DLGAP3: variants seen among roughly 807,000 people sequenced by gnomAD.
The protein encoded by DLGAP3 is disks large-associated protein 3.
In DLGAP3, 17 loss-of-function variants were observed where a neutral mutation model predicts 81.2. That is an observed-to-expected ratio of 0.21 (90% confidence interval 0.14 to 0.31). The LOEUF is 0.31. Among genes scored for constraint, DLGAP3 ranks in the 10% least tolerant of loss-of-function variants. The pLI, the probability that DLGAP3 is intolerant of heterozygous loss-of-function variation, is 1.00. For missense variants in DLGAP3, 1,124 were observed against 1,388.0 expected (o/e 0.81, Z 3.02); for synonymous variants, 577 against 587.4 (o/e 0.98, Z 0.26).
intron 1 of DLGAP3, among the ~76,000 whole-genome samples, chr1:34,928,813 C>T (rs1639911915): frequency 6.6e-6 from 1 of 152,004 alleles, no homozygotes; most frequent in Admixed American, 6.5e-5. Flanking sequence ...CACATCCATT[C>T]ACACACTCAC....
chr1:34,926,157 A>G (rs1639868429), intron 1 of DLGAP3, among the ~76,000 whole-genome samples: 1 of 152,214 alleles, frequency 6.6e-6, no homozygotes, highest in Non-Finnish European at 1.5e-5. Context: ...CCAGCTTCCA[A>G]GCAGCCTCCC....
At chr1:34,928,464 C>A (rs188105272) in intron 1 of DLGAP3, among the ~76,000 whole-genome samples, 1 of 152,216 alleles carries the variant, frequency 6.6e-6, no homozygotes, top group Non-Finnish European at 1.5e-5. Flanking sequence ...AGGACACGAC[C>A]AGCAACATCC....
At chr1:34,894,833 A>C (rs1261275426) in intron 5 of DLGAP3, among the ~76,000 whole-genome samples, 1 of 152,166 alleles carries the variant, frequency 6.6e-6, no homozygotes, top group African/African-American at 2.4e-5. Flanking sequence ...AAAAAGTAAC[A>C]ATAATAATAG....
chr1:34,923,024 A>G (rs1161059468), intron 1 of DLGAP3, among the ~76,000 whole-genome samples: 2 of 152,110 alleles, frequency 1.3e-5, no homozygotes, highest in African/African-American at 2.4e-5. Flanking sequence ...ATTTCCTCAG[A>G]CAACCTGGGT....
rs949966445 is a variant in DLGAP3, at chr1:34,886,943, CTTTTTTT to C, written c.1387-665_1387-659del. ...AGTGTCCCAAGCCTTCCCCCACCTT[CTTTTTTT>C]TTTTTTTTTTTTTTTTTTTTTTGAG... is the stretch of plus-strand genomic sequence containing the variant. On this transcript the variant is annotated intron_variant, in intron 5 of 11. Transcript: ENST00000373347. 4.8e-4 allele frequency among the ~76,000 whole-genome samples: 31 copies of C among 64,304 alleles called. No individual in the cohort carries two copies. The East Asian group carries it at 0.011, about 23-fold the overall frequency. 42.2% of individuals were successfully genotyped at this position (64,304 alleles called of 152,430 possible).
At chr1:34,874,440 G>C (rs1639021114) in intron 8 of DLGAP3, among the ~76,000 whole-genome samples, 2 of 152,200 alleles carry the variant, frequency 1.3e-5, no homozygotes, top group Non-Finnish European at 2.9e-5. Context: ...GGCAGTATTT[G>C]CTGTGGTCTC....
chr1:34,925,482 A>G (rs1161645188), intron 1 of DLGAP3: 1 of 151,482 alleles, frequency 6.6e-6, no homozygotes, highest in Non-Finnish European at 1.5e-5. Context: ...TCCCATCTGG[A>G]CTGGGGGGAG....
At chr1:34,909,434 T>G (rs1639607877) in intron 1 of DLGAP3, among the ~76,000 whole-genome samples, 2 of 152,128 alleles carry the variant, frequency 1.3e-5, no homozygotes, top group South Asian at 4.2e-4. Context: ...CGGCCTACCC[T>G]CTCTAAGCCT....
rs1013969702 is a variant in DLGAP3 at position 34,886,163 on chromosome 1, G to A, written c.1509C>T (p.Tyr503=). ...AGCAGCCGGCCTGGATGGCCCGGAG[G>A]TAGCTGTGGCTCCGCATGCGGAAAC... The part of the protein sequence containing the change: ...PGCFRMRSHS[Y]LRAIQAGCSQ... The change falls in exon 6 of 12, where the codon TAC becomes TAT. Residue 503 remains tyrosine (Y), a synonymous_variant. Coordinates refer to ENST00000373347, the MANE Select transcript of DLGAP3 (RefSeq NM_001080418.3). The A allele has an allele frequency of 2.5e-6, 4 of 1,610,340 alleles. No individual in the cohort carries two copies. Among genetic ancestry groups the A allele is most frequent in the African/African-American group, 2.7e-5 (2 of 74,916 alleles).
chr1:34,915,997 A>T (rs1368832121), intron 1 of DLGAP3, among the ~76,000 whole-genome samples: 1 of 152,140 alleles, frequency 6.6e-6, no homozygotes, highest in Non-Finnish European at 1.5e-5. Context: ...ACAGTAGGGT[A>T]AAGAGTTGTT....
intron 1 of DLGAP3, among the ~76,000 whole-genome samples, chr1:34,914,731 G>T (rs1270394877): frequency 2.6e-5 from 4 of 152,220 alleles, no homozygotes; most frequent in African/African-American, 7.2e-5. Flanking sequence ...GCTAACTAGG[G>T]AGAAACTACT....
intron 1 of DLGAP3, among the ~76,000 whole-genome samples, chr1:34,912,863 T>C (rs772331488): frequency 1.3e-5 from 2 of 152,224 alleles, no homozygotes; most frequent in African/African-American, 2.4e-5. Context: ...TGCCCATGGA[T>C]AGGCATCCCT....
At chr1:34,901,811 G>A (rs139936508) in intron 3 of DLGAP3, among the ~76,000 whole-genome samples, 2 of 152,190 alleles carry the variant, frequency 1.3e-5, no homozygotes, top group African/African-American at 2.4e-5. Context: ...CTAAGAACTC[G>A]ATTATGAAGG....
intron 5 of DLGAP3, among the ~76,000 whole-genome samples, chr1:34,891,279 C>T (rs1355981981): frequency 1.3e-5 from 2 of 152,190 alleles, no homozygotes; most frequent in Non-Finnish European, 2.9e-5. Flanking sequence ...AACGTGGTGC[C>T]GCCTGTGAAA....
intron 2 of DLGAP3, 22 bp from the exon 3 acceptor site, chr1:34,905,456 G>T: frequency 6.1e-6 from 9 of 1,478,296 alleles, no homozygotes; most frequent in Non-Finnish European, 7.3e-6. Flanking sequence ...GGGAGAAAAG[G>T]TATTTGAATT....
At chr1:34,880,393 G>A (rs1203081281) in intron 8 of DLGAP3, among the ~76,000 whole-genome samples, 1 of 152,122 alleles carries the variant, frequency 6.6e-6, no homozygotes, top group Admixed American at 6.5e-5. Flanking sequence ...CTCAGGCAAG[G>A]CTGACTCAAG....
rs754471768 is a variant in DLGAP3, at chr1:34,885,565, G to A, written c.1827C>T (p.Pro609=). The change falls in exon 7 of 12, where the codon CCC becomes CCT. Residue 609 remains proline, a synonymous_variant. Coordinates refer to ENST00000373347, the MANE Select transcript of DLGAP3 (RefSeq NM_001080418.3). ...CAGGGATGGTCTTGATGATGAGTGT[G>A]GGGGGCTTGGGGCTGGCCCGGGGCG... ...PVPPRASPKP[P]TLIIKTIPGR... 6.2e-7 allele frequency: 1 copy of A among 1,606,180 alleles called. No individual in the cohort carries two copies. Among genetic ancestry groups the A allele is most frequent in the Non-Finnish European group, 8.5e-7 (1 of 1,179,318 alleles).
At position 34,900,032 on chromosome 1, in the gene DLGAP3, C is replaced by T; in HGVS notation, c.1313+36G>A. 6.3e-7 allele frequency: 1 copy of T among 1,583,042 alleles called. No individual in the cohort carries two copies. Among genetic ancestry groups the T allele is most frequent in the Non-Finnish European group, 8.6e-7 (1 of 1,157,982 alleles). On this transcript the variant is annotated intron_variant, in intron 4 of 11. Transcript: ENST00000373347. The surrounding 1 kb of genome is among the most constrained non-coding windows in gnomAD (Gnocchi z 5.6). ...TCCCGCAGGAGTCCAGCATCAGCCT[C>T]CTGACCCCGCACCCCCCGGCCCTCC...
chr1:34,901,064 G>T (rs1035609525), intron 3 of DLGAP3, among the ~76,000 whole-genome samples: 1 of 152,148 alleles, frequency 6.6e-6, no homozygotes, highest in Non-Finnish European at 1.5e-5. Context: ...TCTGGGGAAA[G>T]GTGGTAGGGT....
Sources: allele counts gnomAD v4.1 joint callset (sites outside exome capture counted in the v4.1 genomes callset), GRCh38; gene constraint gnomAD v4.1.1; non-coding constraint Gnocchi (gnomAD v3.1); transcripts MANE v1.5; gene names NCBI Gene and HGNC (gene_info 2026-07-23, HGNC 2026-07-21).